DPH7: variants seen among roughly 807,000 people sequenced by gnomAD.
DPH7 encodes diphthamide biosynthesis 7.
In DPH7, 44 loss-of-function variants were observed where a neutral mutation model predicts 41.7. That is an observed-to-expected ratio of 1.05 (90% CI 0.83 to 1.36). The LOEUF is 1.36. DPH7 is among the 40% of genes most tolerant of loss of function. The probability of loss-of-function intolerance (pLI) is 0.00; values close to 1 mark genes in which losing one functional copy is unlikely to be tolerated. For synonymous variants in DPH7, 275 were observed against 238.0 expected, an observed-to-expected ratio of 1.16 and a Z score of -1.43; for missense variants, 629 against 577.5, an observed-to-expected ratio of 1.09 and a Z score of -0.91.
At chr9:137,559,100 T>A (rs961938869) in intron 8 of DPH7, among the ~76,000 whole-genome samples, 3 of 152,248 alleles carry the variant, frequency 2.0e-5, no homozygotes, top group African/African-American at 7.2e-5. Context: ...AATGATTATA[T>A]ATGAATATCA....
intron 8 of DPH7, among the ~76,000 whole-genome samples, chr9:137,563,513 C>G (rs1838982024): frequency 7.7e-6 from 1 of 130,496 alleles, no homozygotes; most frequent in African/African-American, 3.1e-5. Context: ...GCCTGGGTGA[C>G]AGAGCAAGAC....
chr9:137,558,525 A>G (rs1337217587), intron 8 of DPH7, among the ~76,000 whole-genome samples: 2 of 152,248 alleles, frequency 1.3e-5, no homozygotes, highest in African/African-American at 4.8e-5. Flanking sequence ...CACATGCTCC[A>G]ACAGGGGTGA....
At chr9:137,568,664 C>T (rs1217992830) in intron 5 of DPH7, among the ~76,000 whole-genome samples, 2 of 152,108 alleles carry the variant, frequency 1.3e-5, no homozygotes, top group South Asian at 2.1e-4. Flanking sequence ...CCAGAAACAA[C>T]CCCCAGGAAA....
chr9:137,578,890 G>A lies in DPH7; in HGVS notation c.-113C>T, dbSNP rs1040745840. 4 of 1,149,258 alleles carry A rather than the reference G, an allele frequency of 3.5e-6. No individual in the cohort carries two copies. The highest frequency in any genetic ancestry group is 3.3e-6 in the Non-Finnish European group (3 of 897,420). The allele number at this position is 1,149,258 out of a possible 1,614,324, so 71.2% of individuals were successfully genotyped here. The stretch of plus-strand genomic sequence containing the variant: ...CCGGCCGGACGAGCGCAGAGCCCCA[G>A]GGACACCGTCAGCGCGGGCCGCCTC... On this transcript the variant is annotated 5_prime_UTR_variant, in exon 1 of 9. Transcript: ENST00000277540.
chr9:137,555,348 G>T lies in DPH7; in HGVS notation c.1250C>A (p.Thr417Lys), dbSNP rs1837287957. 2 of 1,614,092 alleles carry T rather than the reference G, an allele frequency of 1.2e-6. No individual in the cohort carries two copies. The highest frequency in any genetic ancestry group is 2.7e-5 in the African/African-American group (2 of 74,944). ...GTWLQATAAT[T>K]RDCGVNPEEA... The stretch of plus-strand genomic sequence containing the variant: ...TTCTGGGTTCACGCCACAGTCACGT[G>T]TGGTGGCTGCTGTAGCCTGCAGCCA... Residue 417 changes from threonine (T) to lysine (K), a missense_variant, in exon 9 of 9, where the codon ACA becomes AAA. Physicochemically the swap from Thr to Lys is moderately conservative, Grantham distance 78 (BLOSUM62 -1). Transcript: ENST00000277540.
In DPH7 at chr9:137,555,493, C is replaced by T. The variant is rs1837327569; in HGVS notation, c.1105G>A (p.Gly369Ser). Reference protein sequence around the residue: ...NLGTKTADLKGASELPTPCHE... With the variant: ...NLGTKTADLKSASELPTPCHE... Reference sequence around the variant, plus strand: ...CAGGGTGTTGGCAACTCGCTTGCACCCTTCAGGTCTGCCGTCTTGGTTCCT... The same window carrying T: ...CAGGGTGTTGGCAACTCGCTTGCACTCTTCAGGTCTGCCGTCTTGGTTCCT... Residue 369 changes from glycine to serine, a missense_variant, in exon 9 of 9, where the codon GGT becomes AGT. Gly to Ser is a moderately conservative substitution (Grantham distance 56). Transcript: ENST00000277540. 6.2e-7 allele frequency: 1 copy of T among 1,614,110 alleles called. No individual in the cohort carries two copies. The highest frequency in any genetic ancestry group is 1.3e-5 in the African/African-American group (1 of 75,030).
In DPH7 at chr9:137,555,460, A is replaced by T. The variant is rs753840523; in HGVS notation, c.1138T>A (p.Cys380Ser). ...CCCTCCCCATCGTTATCCTCTCTGC[A>T]TTCATGACAGGGTGTTGGCAACTCG... ...ASELPTPCHE[C>S]REDNDGEGHA... is the part of the protein sequence containing the mutation. The change falls in exon 9 of 9, where the codon TGC becomes AGC. Residue 380 changes from cysteine to serine, a missense_variant. Cys to Ser is a moderately radical substitution (Grantham distance 112). Transcript: ENST00000277540. The T allele has an allele frequency of 1.2e-6, 2 of 1,614,036 alleles. No individual in the cohort carries two copies. The highest frequency in any genetic ancestry group is 8.5e-7 in the Non-Finnish European group (1 of 1,179,986).
intron 2 of DPH7, among the ~76,000 whole-genome samples, chr9:137,576,952 G>A (rs530960671): frequency 6.6e-6 from 1 of 152,054 alleles, no homozygotes; most frequent in Non-Finnish European, 1.5e-5. Context: ...CTACTCGAGA[G>A]GCTGAGACAG....
Position 137,555,484 on chromosome 9 carries a change from C to T in DPH7, c.1114G>A (p.Glu372Lys), listed in dbSNP as rs575002556. ...TKTADLKGAS[E>K]LPTPCHECRE... ...CATTCATGACAGGGTGTTGGCAACT[C>T]GCTTGCACCCTTCAGGTCTGCCGTC... Residue 372 changes from glutamate to lysine, a missense_variant, in exon 9 of 9, where the codon GAG becomes AAG. By Grantham distance (56) the Glu-to-Lys change is moderately conservative. Transcript: ENST00000277540. 63 of 1,614,112 alleles carry T rather than the reference C, an allele frequency of 3.9e-5. No homozygotes were observed. The South Asian group carries it at 5.2e-4, about 13-fold the overall frequency.
intron 5 of DPH7, among the ~76,000 whole-genome samples, chr9:137,571,597 G>A (rs995005257): frequency 1.3e-5 from 2 of 152,096 alleles, no homozygotes; most frequent in Non-Finnish European, 2.9e-5. Flanking sequence ...AGACCAGCCT[G>A]GGCAACATGG....
At position 137,559,307 on chromosome 9, in the gene DPH7, G is replaced by T. The variant is rs1588799462; in HGVS notation, c.950-3659C>A. On this transcript the variant is annotated intron_variant, in intron 8 of 8. Transcript: ENST00000277540. Reference sequence around the variant, plus strand: ...CCAGAGGGCTCCTTGGTCTAGCGGTGACGCCAGCATCTGGGAAGACGCCCG... The same window carrying T: ...CCAGAGGGCTCCTTGGTCTAGCGGTTACGCCAGCATCTGGGAAGACGCCCG... Among the ~76,000 whole-genome samples, 6 of 152,324 alleles carry T rather than the reference G, an allele frequency of 3.9e-5. 1 individual carries two copies. Among genetic ancestry groups the T allele is most frequent in the African/African-American group, 1.4e-4 (6 of 41,570 alleles).
At chr9:137,565,209 CAGTT>C (rs942643319) in intron 5 of DPH7, 55 bp from the exon 6 acceptor site, 28 of 1,587,974 alleles carry the variant, frequency 1.8e-5, no homozygotes, top group Non-Finnish European at 2.2e-5. Context: ...TGAGTGTTCT[CAGTT>C]AGGCCGTTGA....
intron 1 of DPH7, chr9:137,578,118 G>T: frequency 3.3e-6 from 1 of 299,940 alleles, no homozygotes; most frequent in Non-Finnish European, 4.9e-6. Context: ...TGGAGTCCGA[G>T]GCTGCACTCC....
At chr9:137,572,641 C>G (rs1006541653) in intron 5 of DPH7, among the ~76,000 whole-genome samples, 3 of 152,142 alleles carry the variant, frequency 2.0e-5, no homozygotes, top group African/African-American at 7.2e-5. Flanking sequence ...TTCTCAGAGA[C>G]CCGCCCCTCT....
intron 5 of DPH7, among the ~76,000 whole-genome samples, chr9:137,573,651 C>A (rs1840857165): frequency 7.4e-6 from 1 of 136,028 alleles, no homozygotes; most frequent in East Asian, 2.1e-4. Context: ...TCACTGCACT[C>A]CAGCCTGGGC....
intron 1 of DPH7, 127 bp from the exon 2 acceptor site, chr9:137,577,730 G>A (rs1841669950): frequency 1.6e-6 from 2 of 1,252,154 alleles, no homozygotes; most frequent in Non-Finnish European, 2.2e-6. Flanking sequence ...CCTGGAAGGA[G>A]AACCTCTGGT....
intron 1 of DPH7, 127 bp downstream of exon 1, chr9:137,578,498 T>C: frequency 1.8e-6 from 2 of 1,138,534 alleles, no homozygotes; most frequent in South Asian, 1.8e-5. Context: ...TTCTAAACTG[T>C]TTCCAGCCTA....
chr9:137,554,524 G>A lies in DPH7; in HGVS notation c.*715C>T, dbSNP rs747066213. 2.0e-5 allele frequency among the ~76,000 whole-genome samples: 3 copies of A among 152,030 alleles called. No homozygotes were observed. Among genetic ancestry groups the A allele is most frequent in the Admixed American group, 6.6e-5 (1 of 15,264 alleles). On this transcript the variant is annotated 3_prime_UTR_variant, in exon 9 of 9. Coordinates refer to ENST00000277540, the MANE Select transcript of DPH7 (RefSeq NM_138778.5). ...GTTGCCCCTGGCTCATTGCAGCCTCGACCTCCTGGGCTCAACAATCCTCCT... is the reference window on the plus strand; with the variant it reads ...GTTGCCCCTGGCTCATTGCAGCCTCAACCTCCTGGGCTCAACAATCCTCCT...
intron 8 of DPH7, among the ~76,000 whole-genome samples, chr9:137,561,398 G>C (rs969286763): frequency 5.3e-5 from 8 of 152,028 alleles, no homozygotes; most frequent in Non-Finnish European, 1.0e-4. Context: ...AAATTAGCCA[G>C]GCGTGGTGGC....
Sources: allele counts gnomAD v4.1 joint callset (sites outside exome capture counted in the v4.1 genomes callset), GRCh38; gene constraint gnomAD v4.1.1; transcripts MANE v1.5; gene names NCBI Gene and HGNC (gene_info 2026-07-23, HGNC 2026-07-21).